The following DDI2 variants were observed in gnomAD, a reference collection of about 807,000 sequenced individuals.
DDI2 encodes the protein DDI proteasomal shuttling factor 2.
DDI2 carries 5 observed loss-of-function variants against 48.1 expected under a neutral mutation model. The ratio of observed to expected loss-of-function variants is 0.10; its 90% CI spans 0.05 to 0.22. The LOEUF is 0.22. Among genes scored for constraint, DDI2 ranks in the 10% least tolerant of loss-of-function variants. The probability of loss-of-function intolerance (pLI) is 1.00; values close to 1 mark genes in which losing one functional copy is unlikely to be tolerated. For synonymous variants in DDI2, 205 were observed against 183.6 expected, an observed-to-expected ratio of 1.12 and a Z score of -0.94; for missense variants, 285 against 506.2, an observed-to-expected ratio of 0.56 and a Z score of 4.19.
chr1:15,618,197 C>T (rs1184403231), intron 1 of DDI2, among the ~76,000 whole-genome samples: 1 of 151,908 alleles, frequency 6.6e-6, no homozygotes, highest in East Asian at 1.9e-4. Flanking sequence ...ATTCATACAT[C>T]CTGCAAACCA....
chr1:15,637,265 C>T lies in DDI2; in HGVS notation c.633-1042C>T, dbSNP rs150826082. Among the ~76,000 whole-genome samples, 5 of 152,244 alleles carry T rather than the reference C, an allele frequency of 3.3e-5. No homozygotes were observed. In the East Asian group the frequency reaches 5.8e-4, roughly 18 times the overall value. On this transcript the variant is annotated intron_variant, in intron 4 of 9. Transcript: ENST00000480945. ...AGAGATGGGGTTTCACCATGTTGCC[C>T]GGGCTGGTTTGAAACTCCTGAGCTC...
At chr1:15,635,230 A>AG (rs201163493) in intron 4 of DDI2, among the ~76,000 whole-genome samples, 1,294 of 125,564 alleles carry the variant, frequency 0.01, 19 homozygotes, top group African/African-American at 0.044. Flanking sequence ...CCCCCATCTT[A>AG]GGAAAAAAAA....
chr1:15,644,284 C>T (rs745821535), intron 6 of DDI2, among the ~76,000 whole-genome samples: 3 of 152,186 alleles, frequency 2.0e-5, no homozygotes, highest in Non-Finnish European at 4.4e-5. Context: ...TCTCTTCTGT[C>T]TTGTGTTGGA....
At chr1:15,641,807 T>C (rs1194955032) in intron 5 of DDI2, among the ~76,000 whole-genome samples, 2 of 151,396 alleles carry the variant, frequency 1.3e-5, no homozygotes, top group Non-Finnish European at 2.9e-5. Context: ...ATACAAAAAA[T>C]AGCCGGGCAT....
At position 15,617,647 on chromosome 1, in the gene DDI2, G is replaced by T; in HGVS notation, c.-24G>T. ...CCGCGCCCAGGCCGGGCCGAGCCGA[G>T]CCGAGCCGGGTCGGGCCCGGGCCAT... is the stretch of plus-strand genomic sequence containing the variant. On this transcript the variant is annotated 5_prime_UTR_variant, in exon 1 of 10. Coordinates refer to ENST00000480945, the MANE Select transcript of DDI2 (RefSeq NM_032341.5). 5.7e-6 allele frequency: 8 copies of T among 1,399,250 alleles called. No individual in the cohort carries two copies. The highest frequency in any genetic ancestry group is 7.5e-6 in the Non-Finnish European group (8 of 1,063,112). The allele number at this position is 1,399,250 out of a possible 1,614,324, so 86.7% of individuals were successfully genotyped here.
intron 8 of DDI2, chr1:15,656,361 T>A (rs1640273760): frequency 7.6e-7 from 1 of 1,320,640 alleles, no homozygotes; most frequent in East Asian, 3.1e-5. Flanking sequence ...GAATTCTCTA[T>A]GTGTAGAAAC....
chr1:15,623,388 T>TTC (rs1491397292), intron 1 of DDI2, among the ~76,000 whole-genome samples: 12 of 60,934 alleles, frequency 2.0e-4, no homozygotes, highest in African/African-American at 1.4e-3. Context: ...TTTCTTCTTC[T>TTC]TTTTTTTTTT....
rs1640372073 is a variant in DDI2 at position 15,661,312 on chromosome 1, A to G, written c.*1522A>G. On this transcript the variant is annotated 3_prime_UTR_variant, in exon 10 of 10. Transcript: ENST00000480945. ...CACTGTAACCTCAGCTAAAACATCC[A>G]ATCAGTTACACTGCACCTTAGGTGT... 5.6e-6 allele frequency: 9 copies of G among 1,613,932 alleles called. No homozygotes were observed. The highest frequency in any genetic ancestry group is 7.6e-6 in the Non-Finnish European group (9 of 1,179,996).
At chr1:15,647,532 A>G (rs1640111011) in intron 6 of DDI2, among the ~76,000 whole-genome samples, 1 of 152,170 alleles carries the variant, frequency 6.6e-6, no homozygotes, top group Non-Finnish European at 1.5e-5. Context: ...CTATAAGTGA[A>G]ACTACTGAAT....
In DDI2 at chr1:15,626,820, C is replaced by T. The variant is rs754214672; in HGVS notation, c.268+22C>T. 5 of 1,614,004 alleles carry T rather than the reference C, an allele frequency of 3.1e-6. No individual in the cohort carries two copies. The South Asian group carries it at 5.5e-5, about 18-fold the overall frequency. On this transcript the variant is annotated intron_variant, in intron 2 of 9. Transcript: ENST00000480945. ...CCAAGTAAGACATCTGGTGGTTGAG[C>T]ATCCCCCAGCAGAACCATCAGCAGG...
chr1:15,660,790 C>G lies in DDI2; in HGVS notation c.*1000C>G, dbSNP rs768452952. 6.2e-7 allele frequency: 1 copy of G among 1,614,016 alleles called. No homozygotes were observed. Among genetic ancestry groups the G allele is most frequent in the South Asian group, 1.1e-5 (1 of 91,058 alleles). On this transcript the variant is annotated 3_prime_UTR_variant, in exon 10 of 10. Coordinates refer to ENST00000480945, the MANE Select transcript of DDI2 (RefSeq NM_032341.5). The stretch of plus-strand genomic sequence containing the variant: ...AATTTTGAATGATTCCATTTCCACT[C>G]AGGATTTACAGCCCCCAGAAACTAA...
At chr1:15,653,614 C>T (rs143934534) in intron 8 of DDI2, among the ~76,000 whole-genome samples, 2 of 152,182 alleles carry the variant, frequency 1.3e-5, no homozygotes, top group East Asian at 1.9e-4. Context: ...CTCCCATCTC[C>T]CCTTCCTGAC....
chr1:15,617,938 C>G, intron 1 of DDI2, 130 bp downstream of exon 1: 1 of 1,315,998 alleles, frequency 7.6e-7, no homozygotes, highest in South Asian at 1.7e-5. Flanking sequence ...CTCAGGTCAC[C>G]CCCGCATCCG....
At position 15,630,462 on chromosome 1, in the gene DDI2, G is replaced by T; in HGVS notation, c.406G>T (p.Ala136Ser). The T allele has an allele frequency of 1.2e-6, 2 of 1,614,234 alleles. No individual in the cohort carries two copies. The highest frequency in any genetic ancestry group is 1.7e-6 in the Non-Finnish European group (2 of 1,180,040). ...TSSPQGLDNP[A>S]LLRDMLLANP... is the part of the protein sequence containing the mutation. The stretch of plus-strand genomic sequence containing the variant: ...ATCTCCTCAGGGCTTGGACAATCCA[G>T]CCTTGCTCCGAGATATGTTGCTGGC... The change falls in exon 3 of 10, where the codon GCC (alanine) becomes TCC (serine). Residue 136 changes from alanine (A) to serine (S), a missense_variant. By Grantham distance (99) the Ala-to-Ser change is moderately conservative. Around this residue, in one of 3 missense-constraint regions of DDI2, gnomAD observed 149 missense variants for 236.5 expected, o/e 0.63. Coordinates refer to ENST00000480945, the MANE Select transcript of DDI2 (RefSeq NM_032341.5).
At chr1:15,651,593 A>T in intron 7 of DDI2, 113 bp from the exon 8 acceptor site, 1 of 977,190 alleles carries the variant, frequency 1.0e-6, no homozygotes, top group Non-Finnish European at 1.5e-6. Flanking sequence ...TGCTGGGATT[A>T]CAGGCATGAG....
chr1:15,655,591 A>G (rs1312453112), intron 8 of DDI2, among the ~76,000 whole-genome samples: 3 of 151,986 alleles, frequency 2.0e-5, no homozygotes, highest in African/African-American at 4.8e-5. Flanking sequence ...CATCTCTACT[A>G]AAAATACAAA....
chr1:15,650,181 T>C (rs1640155893), intron 7 of DDI2, among the ~76,000 whole-genome samples: 1 of 152,344 alleles, frequency 6.6e-6, no homozygotes, highest in Middle Eastern at 3.4e-3. Flanking sequence ...TCTCTGATGC[T>C]GATCAAACAG....
Position 15,661,803 on chromosome 1 carries a change from C to G in DDI2, c.*2013C>G. The G allele has an allele frequency of 6.8e-7, 1 of 1,475,246 alleles. No individual in the cohort carries two copies. The highest frequency in any genetic ancestry group is 2.4e-5 in the East Asian group (1 of 42,086). The allele number at this position is 1,475,246 out of a possible 1,614,324, so 91.4% of individuals were successfully genotyped here. On this transcript the variant is annotated 3_prime_UTR_variant, in exon 10 of 10. Coordinates refer to ENST00000480945, the MANE Select transcript of DDI2 (RefSeq NM_032341.5). ...CTCTATATACACGCACACATACACA[C>G]TCACCACATATACAGTATATATAGA...
At chr1:15,638,168 C>A (rs1639955358) in intron 4 of DDI2, 139 bp from the exon 5 acceptor site, 3 of 1,185,116 alleles carry the variant, frequency 2.5e-6, no homozygotes, top group Non-Finnish European at 3.6e-6. Context: ...CCCCATATAG[C>A]ACCAATTTTT....
Sources: allele counts gnomAD v4.1 joint callset (sites outside exome capture counted in the v4.1 genomes callset), GRCh38; gene constraint gnomAD v4.1.1; regional missense constraint gnomAD v4.1.1; transcripts MANE v1.5; gene names NCBI Gene and HGNC (gene_info 2026-07-23, HGNC 2026-07-21).